The following GRAMD1B variants were observed in gnomAD, a reference collection of about 807,000 sequenced individuals.
GRAMD1B encodes protein Aster-B.
GRAMD1B carries 37 observed loss-of-function variants against 99.7 expected under a neutral mutation model. The ratio of observed to expected loss-of-function variants is 0.37; its 90% CI spans 0.29 to 0.49. The LOEUF is 0.49. Ranked by LOEUF, GRAMD1B falls within the 20% of genes least tolerant of loss-of-function variation. The pLI, the probability that GRAMD1B is intolerant of heterozygous loss-of-function variation, is 0.98. For missense variants in GRAMD1B, 888 were observed against 1,009.2 expected (o/e 0.88, Z 1.63); for synonymous variants, 427 against 387.6 (o/e 1.10, Z -1.19).
chr11:123,436,001 G>C (rs756238548), intron 1 of GRAMD1B, among the ~76,000 whole-genome samples: 1 of 141,164 alleles, frequency 7.1e-6, no homozygotes, highest in African/African-American at 2.7e-5. Context: ...GGAGTGCAGT[G>C]GCTCAATCTC....
intron 1 of GRAMD1B, among the ~76,000 whole-genome samples, chr11:123,446,196 C>G (rs1226900330): frequency 1.3e-5 from 2 of 152,038 alleles, no homozygotes; most frequent in African/African-American, 2.4e-5. Context: ...GATGGAGTCT[C>G]TCTTTGTCGC....
intron 2 of GRAMD1B, among the ~76,000 whole-genome samples, chr11:123,527,521 C>A (rs1218845837): frequency 6.6e-6 from 1 of 152,148 alleles, no homozygotes; most frequent in Non-Finnish European, 1.5e-5. Flanking sequence ...GCTTTGCTAT[C>A]CCTCTCTCTT....
chr11:123,472,888 C>T lies in GRAMD1B; in HGVS notation c.375-7928C>T, dbSNP rs1565528598. ...CATGCCTAGTCCCAGGTAGCCTTTT[C>T]CTATTGGCACAACTGCTGGCATTCA... On this transcript the variant is annotated intron_variant, in intron 1 of 19. Transcript: ENST00000635736. Among the ~76,000 whole-genome samples, 4 of 152,178 alleles carry T rather than the reference C, an allele frequency of 2.6e-5. No homozygotes were observed. In the East Asian group the frequency reaches 7.7e-4, roughly 29 times the overall value.
upstream of GRAMD1B, among the ~76,000 whole-genome samples, chr11:123,428,065 G>T (rs933416704): frequency 2.0e-5 from 3 of 152,136 alleles, no homozygotes; most frequent in Admixed American, 6.6e-5. Context: ...CCCCTGTCTT[G>T]TGGACCATCC....
chr11:123,513,405 T>A (rs1941237559), intron 2 of GRAMD1B, among the ~76,000 whole-genome samples: 1 of 151,992 alleles, frequency 6.6e-6, no homozygotes, highest in Non-Finnish European at 1.5e-5. Flanking sequence ...AGGTTGCACC[T>A]CAGACTAGGG....
intron 1 of GRAMD1B, among the ~76,000 whole-genome samples, chr11:123,411,210 T>C (rs1460589593): frequency 6.6e-6 from 1 of 152,010 alleles, no homozygotes; most frequent in Non-Finnish European, 1.5e-5. Context: ...TTCACCGTGT[T>C]AGCCAGGATG....
intron 2 of GRAMD1B, among the ~76,000 whole-genome samples, chr11:123,566,253 C>T (rs893517188): frequency 9.9e-5 from 15 of 152,114 alleles, no homozygotes; most frequent in African/African-American, 1.4e-4. Context: ...TCAAGGGCAC[C>T]AATCAGCTCA....
chr11:123,430,491 C>T lies in GRAMD1B; in HGVS notation c.-302C>T, dbSNP rs1948820438. ...AGCGGAAGAAAAACAAGCGGGCGCG[C>T]GAGGGGAGCCCCAGGAGGGCTGCCG... On this transcript the variant is annotated 5_prime_UTR_variant, in exon 1 of 20. Coordinates refer to ENST00000635736, the MANE Select transcript of GRAMD1B (RefSeq NM_001387025.1). The T allele has an allele frequency of 2.6e-6, 1 of 384,330 alleles. No individual in the cohort carries two copies. Among genetic ancestry groups the T allele is most frequent in the African/African-American group, 2.1e-5 (1 of 47,456 alleles). 23.8% of individuals were successfully genotyped at this position (384,330 alleles called of 1,614,324 possible).
intron 1 of GRAMD1B, chr11:123,458,554 A>G (rs929295645): frequency 1.3e-5 from 2 of 152,216 alleles, no homozygotes; most frequent in Non-Finnish European, 2.9e-5. Context: ...ACTGACACCT[A>G]AAATTAACCA....
chr11:123,556,750 T>C (rs915410920), intron 2 of GRAMD1B, among the ~76,000 whole-genome samples: 6 of 152,204 alleles, frequency 3.9e-5, no homozygotes, highest in East Asian at 1.9e-4. Context: ...AGTGTGGAGA[T>C]TGAGTCCGGA....
chr11:123,397,175 G>A (rs1366860883), intron 1 of GRAMD1B, among the ~76,000 whole-genome samples: 2 of 152,134 alleles, frequency 1.3e-5, no homozygotes, highest in South Asian at 2.1e-4. Flanking sequence ...AGGCAGAGGC[G>A]GGAGGATCAC....
At chr11:123,503,260 C>T (rs966028808) in intron 2 of GRAMD1B, among the ~76,000 whole-genome samples, 1 of 152,142 alleles carries the variant, frequency 6.6e-6, no homozygotes, top group Non-Finnish European at 1.5e-5. Flanking sequence ...ACTTGAACAA[C>T]TTTGTCATCT....
chr11:123,515,968 C>T (rs1278629861), intron 2 of GRAMD1B, among the ~76,000 whole-genome samples: 1 of 152,248 alleles, frequency 6.6e-6, no homozygotes, highest in African/African-American at 2.4e-5. Flanking sequence ...AGGGTTTCAC[C>T]ATGTTGCCCA....
chr11:123,613,772 T>C lies in GRAMD1B; in HGVS notation c.2227+114T>C, dbSNP rs370129042. 7.9e-5 allele frequency: 57 copies of C among 717,594 alleles called. 1 individual carries two copies. In the South Asian group the frequency reaches 9.8e-4, roughly 12 times the overall value. The allele number at this position is 717,594 out of a possible 1,614,324, so 44.5% of individuals were successfully genotyped here. A position where few individuals can be genotyped will look rare whatever the true frequency, so the allele number is the denominator to read the frequency against. On this transcript the variant is annotated intron_variant, in intron 16 of 19. Transcript: ENST00000635736. ...TTGCACCTTGGCTATAATTTGTATA[T>C]AATTTGAACGTAAGTCACTAAATCT...
At position 123,625,805 on chromosome 11, in the gene GRAMD1B, G is replaced by A. The variant is rs1955467201; in HGVS notation, c.*3210G>A. 1 of 152,360 alleles carries A rather than the reference G, an allele frequency of 6.6e-6. No individual in the cohort carries two copies. Among genetic ancestry groups the A allele is most frequent in the Admixed American group, 6.5e-5 (1 of 15,270 alleles). 9.4% of individuals were successfully genotyped at this position (152,360 alleles called of 1,614,324 possible). A position where few individuals can be genotyped will look rare whatever the true frequency, so the allele number is the denominator to read the frequency against. ...GACTTTCTCAATTGCTCTGCCAGGA[G>A]GGAACAAGCCCAGAGGCTGAAGCTT... On this transcript the variant is annotated 3_prime_UTR_variant, in exon 20 of 20. Transcript: ENST00000635736.
intron 12 of GRAMD1B, among the ~76,000 whole-genome samples, chr11:123,609,592 T>C (rs1008640143): frequency 2.6e-5 from 4 of 152,214 alleles, no homozygotes; most frequent in African/African-American, 9.6e-5. Context: ...TGTAGAATTT[T>C]GACAATGCTA....
chr11:123,513,609 C>CTTTCTTTCTTTCTTTCTTTCTCTCTTT (rs1206527809), intron 2 of GRAMD1B, among the ~76,000 whole-genome samples: 1 of 36,022 alleles, frequency 2.8e-5, no homozygotes, highest in Non-Finnish European at 7.7e-5. Context: ...TTCCTTCCTT[C>CTTTCTTTCTTTCTTTCTTTCTCTCTTT]CTTCCTTCCT....
chr11:123,560,439 A>G, intron 2 of GRAMD1B: 5 of 1,194,492 alleles, frequency 4.2e-6, no homozygotes, highest in South Asian at 3.1e-5. Context: ...GGTGTGAAAC[A>G]GCAGAGCAAA....
intron 1 of GRAMD1B, among the ~76,000 whole-genome samples, chr11:123,439,367 C>T (rs1327835451): frequency 6.6e-6 from 1 of 152,208 alleles, no homozygotes; most frequent in Non-Finnish European, 1.5e-5. Context: ...TAGGCAGCAA[C>T]CTCCTAAACA....
Sources: gnomAD v4.1 joint callset for allele counts (sites outside exome capture counted in the v4.1 genomes callset) on GRCh38, gnomAD v4.1.1 for gene constraint, MANE v1.5 for transcripts, NCBI Gene and HGNC (gene_info 2026-07-23, HGNC 2026-07-21) for gene names.